The following COL4A4 variants were observed in gnomAD, a reference collection of about 807,000 sequenced individuals.
COL4A4 encodes the protein collagen alpha-4(IV) chain.
Under a neutral mutation model 192.9 loss-of-function variants are expected in COL4A4, and 105 were observed. The observed-to-expected ratio is 0.54, with a 90% CI of 0.46 to 0.64. The LOEUF is 0.64. Among genes scored for constraint, COL4A4 ranks in the 30% least tolerant of loss-of-function variants. The pLI, the probability that COL4A4 is intolerant of heterozygous loss-of-function variation, is 0.00. For synonymous variants in COL4A4, 762 were observed against 769.9 expected (o/e 0.99, Z 0.17); for missense variants, 1,967 against 2,169.3 (o/e 0.91, Z 1.85).
In COL4A4 at chr2:227,003,429, C is replaced by T. The variant is rs1961441670; in HGVS notation, c.*3896G>A. On this transcript the variant is annotated 3_prime_UTR_variant, in exon 48 of 48. Coordinates refer to ENST00000396625, the MANE Select transcript of COL4A4 (RefSeq NM_000092.5). ...GGATAACAGCTGAAAAATGACTAAGCCAGATTTCAAACCTGGGTTCGACCA... is the reference window on the plus strand; with the variant it reads ...GGATAACAGCTGAAAAATGACTAAGTCAGATTTCAAACCTGGGTTCGACCA... 6.6e-6 allele frequency: 1 copy of T among 152,132 alleles called. No individual in the cohort carries two copies. Among genetic ancestry groups the T allele is most frequent in the Non-Finnish European group, 1.5e-5 (1 of 68,022 alleles). The allele number at this position is 152,132 out of a possible 1,614,324, so 9.4% of individuals were successfully genotyped here. A position where few individuals can be genotyped will look rare whatever the true frequency, so the allele number is the denominator to read the frequency against.
At chr2:227,025,916 A>T in intron 42 of COL4A4, 106 bp from the exon 43 acceptor site, 1 of 988,410 alleles carries the variant, frequency 1.0e-6, no homozygotes, top group Admixed American at 2.1e-5. Flanking sequence ...GATTAAGAAC[A>T]TACATAATAA....
rs144971645 is a variant in COL4A4, at chr2:227,137,221, T to C, written c.192+2940A>G. Among the ~76,000 whole-genome samples, 61 of 152,264 alleles carry C rather than the reference T, an allele frequency of 4.0e-4. No homozygotes were observed. In the East Asian group the frequency reaches 9.8e-3, roughly 25 times the overall value. ...TACACCATCTACACATGCAATGCCTTGCGCTTGTTTAACAGCCCAAGGACA... is the reference window on the plus strand; with the variant it reads ...TACACCATCTACACATGCAATGCCTCGCGCTTGTTTAACAGCCCAAGGACA... On this transcript the variant is annotated intron_variant, in intron 4 of 47. Transcript: ENST00000396625.
chr2:227,137,374 C>T (rs576647859), intron 4 of COL4A4, among the ~76,000 whole-genome samples: 1 of 152,192 alleles, frequency 6.6e-6, no homozygotes, highest in African/African-American at 2.4e-5. Context: ...GATCTTTCCA[C>T]GATCATGGAG....
chr2:226,997,862 T>C (rs987831962), downstream of COL4A4: 11 of 152,252 alleles, frequency 7.2e-5, no homozygotes, highest in African/African-American at 2.7e-4. Flanking sequence ...TTTTAGTTAA[T>C]GGACTTGCCT....
intron 26 of COL4A4, among the ~76,000 whole-genome samples, chr2:227,060,511 C>T (rs1976676842): frequency 6.6e-6 from 1 of 152,168 alleles, no homozygotes; most frequent in South Asian, 2.1e-4. Flanking sequence ...CTTGTACCAC[C>T]ATTCAGGTGA....
chr2:227,032,771 C>A (rs906412070), intron 38 of COL4A4, among the ~76,000 whole-genome samples: 1 of 152,192 alleles, frequency 6.6e-6, no homozygotes, highest in Non-Finnish European at 1.5e-5. Flanking sequence ...AAAGATTTCA[C>A]CTCTCTCCAA....
chr2:227,041,723 GAA>G (rs1970930516), intron 37 of COL4A4, among the ~76,000 whole-genome samples: 1 of 13,490 alleles, frequency 7.4e-5, no homozygotes, highest in Non-Finnish European at 1.6e-4. Context: ...AAGGGAGGAG[GAA>G]GGAAGGAAGG....
At position 227,005,702 on chromosome 2, in the gene COL4A4, A is replaced by G. The variant is rs1277800989; in HGVS notation, c.*1623T>C. 6.6e-6 allele frequency: 1 copy of G among 152,194 alleles called. No individual in the cohort carries two copies. The highest frequency in any genetic ancestry group is 1.5e-5 in the Non-Finnish European group (1 of 68,034). The allele number at this position is 152,194 out of a possible 1,614,324, so 9.4% of individuals were successfully genotyped here. ...CAAATCAAGGTTTGGCAAGGAAAACATTTCTTATAAACAAAATTTTAATTG... is the reference window on the plus strand; with the variant it reads ...CAAATCAAGGTTTGGCAAGGAAAACGTTTCTTATAAACAAAATTTTAATTG... On this transcript the variant is annotated 3_prime_UTR_variant, in exon 48 of 48. Transcript: ENST00000396625.
chr2:227,092,205 G>A (rs774977344), intron 20 of COL4A4, among the ~76,000 whole-genome samples: 2 of 152,126 alleles, frequency 1.3e-5, no homozygotes, highest in Non-Finnish European at 2.9e-5. Context: ...AAAATCCTGA[G>A]GGAGAAAGAT....
chr2:227,148,322 T>C (rs2063688049), intron 1 of COL4A4, among the ~76,000 whole-genome samples: 1 of 152,174 alleles, frequency 6.6e-6, no homozygotes, highest in Non-Finnish European at 1.5e-5. Context: ...TATTCAGCCA[T>C]GAAAAGGAAT....
intron 19 of COL4A4, among the ~76,000 whole-genome samples, chr2:227,095,424 G>T (rs1452933405): frequency 1.3e-5 from 2 of 152,198 alleles, no homozygotes; most frequent in African/African-American, 4.8e-5. Flanking sequence ...CCAGAGGCTT[G>T]TTATGAGGAT....
chr2:227,143,689 T>C (rs1184233625), intron 3 of COL4A4, among the ~76,000 whole-genome samples: 2 of 152,168 alleles, frequency 1.3e-5, no homozygotes, highest in Non-Finnish European at 2.9e-5. Flanking sequence ...AAAATACACA[T>C]GTATATATCA....
intron 4 of COL4A4, among the ~76,000 whole-genome samples, chr2:227,137,113 C>G (rs977212602): frequency 2.0e-5 from 3 of 152,186 alleles, no homozygotes; most frequent in Admixed American, 6.5e-5. Flanking sequence ...TCCTTGACCA[C>G]GCAGACACAA....
chr2:227,002,685 AAAT>A (rs1961277850), downstream of COL4A4: 1 of 152,680 alleles, frequency 6.5e-6, no homozygotes, highest in Non-Finnish European at 1.5e-5. Context: ...GCTTGAAAGA[AAAT>A]AAATGCACCA....
chr2:227,136,725 T>C (rs1239833368), intron 4 of COL4A4, among the ~76,000 whole-genome samples: 1 of 152,168 alleles, frequency 6.6e-6, no homozygotes, highest in Non-Finnish European at 1.5e-5. Flanking sequence ...GCAGTTTTGA[T>C]GTGGGGTTTG....
At chr2:226,971,347 G>A in the COL4A4 span, among the ~76,000 whole-genome samples, 1 of 152,202 alleles carries the variant, frequency 6.6e-6, no homozygotes, top group African/African-American at 2.4e-5. Context: ...GTCTGGTGTC[G>A]AAGGACGTCT....
rs2061933715 is a variant in COL4A4, at chr2:227,123,751, G to A, written c.193-2603C>T. On this transcript the variant is annotated intron_variant, in intron 4 of 47. Coordinates refer to ENST00000396625, the MANE Select transcript of COL4A4 (RefSeq NM_000092.5). This position sits in a 1 kb window ranked among gnomAD's most constrained non-coding sequence, Gnocchi z 4.6. ...GCCTGAGCACAGAAACAACAGGTCT[G>A]AGGAAGACGTGTGGGACCCCAAAAG... Among the ~76,000 whole-genome samples the A allele has an allele frequency of 6.6e-6, 1 of 152,196 alleles. No individual in the cohort carries two copies. The highest frequency in any genetic ancestry group is 2.4e-5 in the African/African-American group (1 of 41,442).
intron 6 of COL4A4, among the ~76,000 whole-genome samples, 159 bp downstream of exon 6, chr2:227,119,736 C>CGTAA (rs1258042129): frequency 6.8e-6 from 1 of 147,884 alleles, no homozygotes; most frequent in African/African-American, 2.5e-5. Flanking sequence ...ATATATATTA[C>CGTAA]GTTGCTTGTG....
chr2:227,131,828 T>C (rs2062492058), intron 4 of COL4A4, among the ~76,000 whole-genome samples: 1 of 152,090 alleles, frequency 6.6e-6, no homozygotes, highest in African/African-American at 2.4e-5. Context: ...GAGCAGGCGA[T>C]GTGAAGACAG....
Sources: allele counts gnomAD v4.1 joint callset (sites outside exome capture counted in the v4.1 genomes callset), GRCh38; gene constraint gnomAD v4.1.1; non-coding constraint Gnocchi (gnomAD v3.1); transcripts MANE v1.5; gene names NCBI Gene and HGNC (gene_info 2026-07-23, HGNC 2026-07-21).